The following WDR76 variants were observed in gnomAD, a reference collection of about 807,000 sequenced individuals.
The protein encoded by WDR76 is WD repeat-containing protein 76.
In WDR76, 52 loss-of-function variants were observed where a neutral mutation model predicts 70.2. The observed-to-expected ratio is 0.74, with a 90% CI of 0.59 to 0.93. WDR76 has a LOEUF of 0.93. Ranked by LOEUF, WDR76 falls within the 40% of genes least tolerant of loss-of-function variation. The probability of loss-of-function intolerance (pLI) is 0.00; values close to 1 mark genes in which losing one functional copy is unlikely to be tolerated. For synonymous variants in WDR76, 292 were observed against 271.1 expected (o/e 1.08, Z -0.76); for missense variants, 756 against 760.2 (o/e 0.99, Z 0.07).
chr15:43,840,035 T>C (rs879337786), intron 5 of WDR76, among the ~76,000 whole-genome samples: 3 of 152,028 alleles, frequency 2.0e-5, no homozygotes, highest in African/African-American at 7.2e-5. Context: ...TTTTTTTTAT[T>C]TTTGGTAGAG....
In WDR76 at chr15:43,828,361, T is replaced by G. The variant is rs678084; in HGVS notation, c.457T>G (p.Ser153Ala). Residue 153 changes from serine (S) to alanine (A), a missense_variant, in exon 2 of 13, where the codon TCC (serine) becomes GCC (alanine). Transcript: ENST00000263795. The part of the protein sequence containing the change: ...DGDSDEDTTP[S>A]LDFSGLSPYE... ...AGACAGTGATGAAGATACCACACCA[T>G]CCCTGGTAAGAACTTAATTAGTAGC... 1,319,601 of 1,603,110 alleles carry G rather than the reference T, an allele frequency of 0.82. 545,139 individuals carry two copies. Among genetic ancestry groups the G allele is most frequent in the East Asian group, 1 (44,727 of 44,784 alleles).
chr15:43,849,968 CAGGA>C (rs1451785899), intron 8 of WDR76, among the ~76,000 whole-genome samples: 1 of 152,096 alleles, frequency 6.6e-6, no homozygotes, highest in Non-Finnish European at 1.5e-5. Context: ...ACTCTGGTAA[CAGGA>C]AGAGTATGTG....
intron 4 of WDR76, 148 bp downstream of exon 4, chr15:43,836,364 C>A: frequency 2.0e-6 from 1 of 506,040 alleles, no homozygotes; most frequent in South Asian, 6.1e-5. Flanking sequence ...GGAATGCTAC[C>A]CTTTAATAAC....
intron 11 of WDR76, among the ~76,000 whole-genome samples, chr15:43,860,350 T>TA (rs2087980420): frequency 6.6e-6 from 1 of 152,248 alleles, no homozygotes; most frequent in African/African-American, 2.4e-5. Context: ...CTGCTCTTGA[T>TA]ACACAGATGT....
chr15:43,838,392 G>A (rs2087684018), intron 4 of WDR76, among the ~76,000 whole-genome samples: 1 of 151,404 alleles, frequency 6.6e-6, no homozygotes, highest in African/African-American at 2.4e-5. Flanking sequence ...CGCCATGTTG[G>A]CAAGGCTGGT....
intron 12 of WDR76, among the ~76,000 whole-genome samples, chr15:43,865,042 C>T (rs1238862178): frequency 6.6e-6 from 1 of 152,214 alleles, no homozygotes; most frequent in Non-Finnish European, 1.5e-5. Context: ...CTGCCTCAGC[C>T]TCCCCAGTAG....
intron 9 of WDR76, among the ~76,000 whole-genome samples, chr15:43,852,658 T>C (rs973483120): frequency 6.6e-6 from 1 of 152,008 alleles, no homozygotes; most frequent in Non-Finnish European, 1.5e-5. Flanking sequence ...CGTGAGCCAC[T>C]GTGTGTGGTC....
intron 8 of WDR76, 67 bp downstream of exon 8, chr15:43,844,121 C>A: frequency 7.0e-7 from 1 of 1,433,908 alleles, no homozygotes. Flanking sequence ...AGAGAATAGG[C>A]TAGAGCCATG....
intron 11 of WDR76, 36 bp from the exon 12 acceptor site, chr15:43,861,293 TTAAG>T: frequency 6.5e-7 from 1 of 1,550,130 alleles, no homozygotes; most frequent in Non-Finnish European, 8.9e-7. Flanking sequence ...CAGAAAGTTT[TTAAG>T]TAACAAAAGA....
At chr15:43,838,776 C>T (rs2087688130) in intron 4 of WDR76, among the ~76,000 whole-genome samples, 1 of 152,078 alleles carries the variant, frequency 6.6e-6, no homozygotes, top group African/African-American at 2.4e-5. Context: ...CTGCTCCAAA[C>T]ATTCTTAAGT....
intron 2 of WDR76, among the ~76,000 whole-genome samples, chr15:43,830,302 C>T (rs999369401): frequency 1.3e-5 from 2 of 152,100 alleles, no homozygotes; most frequent in African/African-American, 4.8e-5. Context: ...GTGGCTCACG[C>T]CTGTAATCCC....
Position 43,837,747 on chromosome 15 carries a change from C to T in WDR76, c.608+1531C>T, listed in dbSNP as rs115074184. ...TGTGTAGTTGAAAAATTATACAGGT[C>T]CCATCCATGTACCTGCCATCCAGGT... On this transcript the variant is annotated intron_variant, in intron 4 of 12. Transcript: ENST00000263795. Among the ~76,000 whole-genome samples the T allele has an allele frequency of 4.8e-3, 726 of 152,084 alleles. 6 individuals are homozygous for T. Among genetic ancestry groups the T allele is most frequent in the African/African-American group, 0.017 (698 of 41,474 alleles).
rs2140302483 is a variant in WDR76, at chr15:43,842,402, T to C, written c.733-13T>C. ...AGGGAGCCCAACAAATAACTTTTTA[T>C]TTTTTATAACAGCCTTTGTTACCTC... On this transcript the variant is annotated splice_polypyrimidine_tract_variant and intron_variant, in intron 5 of 12. Coordinates refer to ENST00000263795, the MANE Select transcript of WDR76 (RefSeq NM_024908.4). 1 of 1,610,754 alleles carries C rather than the reference T, an allele frequency of 6.2e-7. No homozygotes were observed. The highest frequency in any genetic ancestry group is 8.5e-7 in the Non-Finnish European group (1 of 1,178,768).
chr15:43,835,286 C>T (rs552790025), intron 3 of WDR76, 136 bp downstream of exon 3: 26 of 628,636 alleles, frequency 4.1e-5, no homozygotes, highest in African/African-American at 1.3e-4. Flanking sequence ...GGGTAACATA[C>T]GGAGACCCGC....
At chr15:43,861,468 T>A in intron 12 of WDR76, 82 bp downstream of exon 12, 2 of 1,292,684 alleles carry the variant, frequency 1.5e-6, no homozygotes, top group Non-Finnish European at 2.2e-6. Context: ...CATCTGATTG[T>A]CAAAGAGATG....
At chr15:43,838,823 AG>A (rs1311798276) in intron 4 of WDR76, among the ~76,000 whole-genome samples, 1 of 152,164 alleles carries the variant, frequency 6.6e-6, no homozygotes, top group Non-Finnish European at 1.5e-5. Context: ...CTCTAGGAGT[AG>A]ATTTCTAGGA....
At position 43,839,702 on chromosome 15, in the gene WDR76, C is replaced by G. The variant is rs746558037; in HGVS notation, c.706C>G (p.Pro236Ala). The part of the protein sequence containing the change: ...SGVSLPAAPT[P>A]PTLVADETPL... The stretch of plus-strand genomic sequence containing the variant: ...AGTTTCATTACCAGCAGCTCCAACA[C>G]CGCCGACATTAGTAGCAGATGAAAC... Residue 236 changes from proline to alanine, a missense_variant, in exon 5 of 13, where the codon CCG becomes GCG. Pro to Ala is a conservative substitution (Grantham distance 27). Coordinates refer to ENST00000263795, the MANE Select transcript of WDR76 (RefSeq NM_024908.4). The G allele has an allele frequency of 1.9e-6, 3 of 1,610,142 alleles. No homozygotes were observed. In the South Asian group the frequency reaches 3.3e-5, roughly 18 times the overall value.
At position 43,828,018 on chromosome 15, in the gene WDR76, A is replaced by G; in HGVS notation, c.114A>G (p.Ala38=). The change falls in exon 2 of 13, where the codon GCA becomes GCG. Residue 38 remains alanine (A), a synonymous_variant. Transcript: ENST00000263795. ...TCGCTTATGTGTCTCTGAGACCAGC[A>G]CAGACTACAGTTTTAATAAAAACAG... ...QNIAYVSLRP[A]QTTVLIKTAK... 1.2e-6 allele frequency: 2 copies of G among 1,613,996 alleles called. No individual in the cohort carries two copies. The highest frequency in any genetic ancestry group is 1.7e-6 in the Non-Finnish European group (2 of 1,179,972).
intron 2 of WDR76, among the ~76,000 whole-genome samples, chr15:43,829,562 A>G (rs1021919541): frequency 3.9e-5 from 5 of 129,380 alleles, no homozygotes; most frequent in Non-Finnish European, 7.7e-5. Context: ...GATGGAGCGC[A>G]GTGGCATGAT....
Sources: allele counts gnomAD v4.1 joint callset (sites outside exome capture counted in the v4.1 genomes callset), GRCh38; gene constraint gnomAD v4.1.1; transcripts MANE v1.5; gene names NCBI Gene and HGNC (gene_info 2026-07-23, HGNC 2026-07-21).